Variants in TMC1 observed in about 807,000 individuals in gnomAD.
TMC1 encodes transmembrane channel like 1, also known as transmembrane channel-like protein 1.
TMC1 carries 84 observed loss-of-function variants against 105.8 expected under a neutral mutation model. The observed-to-expected ratio is 0.79, with a 90% CI of 0.67 to 0.95. The LOEUF is 0.95. Ranked by LOEUF, TMC1 falls within the 40% of genes least tolerant of loss-of-function variation. The probability of loss-of-function intolerance (pLI) is 0.00; values close to 1 mark genes in which losing one functional copy is unlikely to be tolerated. For missense variants in TMC1, 817 were observed against 914.1 expected (o/e 0.89, Z 1.37); for synonymous variants, 315 against 311.5 (o/e 1.01, Z -0.12).
At chr9:72,634,062 A>G (rs949089530) in intron 4 of TMC1, among the ~76,000 whole-genome samples, 3 of 152,174 alleles carry the variant, frequency 2.0e-5, no homozygotes, top group Non-Finnish European at 2.9e-5. Context: ...CTCAGGGGCT[A>G]GGGTTTTTAA....
chr9:72,720,162 T>C (rs2117942917), intron 8 of TMC1, among the ~76,000 whole-genome samples: 1 of 152,300 alleles, frequency 6.6e-6, no homozygotes, highest in Non-Finnish European at 1.5e-5. Context: ...ACTGAAACTC[T>C]GAGAGGATAA....
At chr9:72,617,907 TG>T (rs1307668801) in intron 3 of TMC1, among the ~76,000 whole-genome samples, 7 of 118,820 alleles carry the variant, frequency 5.9e-5, no homozygotes, top group Non-Finnish European at 1.2e-4. Flanking sequence ...AGTCTATGTG[TG>T]GTGTGTGTGT....
chr9:72,829,176 C>T (rs1453737133), intron 21 of TMC1, among the ~76,000 whole-genome samples: 1 of 152,012 alleles, frequency 6.6e-6, no homozygotes, highest in Non-Finnish European at 1.5e-5. Flanking sequence ...TTTTTGGGGC[C>T]CATACAATTG....
intron 5 of TMC1, among the ~76,000 whole-genome samples, chr9:72,664,152 G>A (rs1314265185): frequency 6.6e-6 from 1 of 152,178 alleles, no homozygotes; most frequent in African/African-American, 2.4e-5. Flanking sequence ...ACGATTAAGA[G>A]TATTGTACAG....
intron 4 of TMC1, among the ~76,000 whole-genome samples, chr9:72,637,474 A>G (rs987017751): frequency 1.3e-5 from 2 of 152,158 alleles, no homozygotes; most frequent in Non-Finnish European, 2.9e-5. Context: ...ACAGATTCAC[A>G]GTTTGAACAT....
At chr9:72,595,798 TC>T (rs1824708205) in intron 2 of TMC1, among the ~76,000 whole-genome samples, 1 of 151,462 alleles carries the variant, frequency 6.6e-6, no homozygotes, top group Admixed American at 6.6e-5. Context: ...TGCTTGAGCT[TC>T]CTGAGTAGCT....
At position 72,694,711 on chromosome 9, in the gene TMC1, G is replaced by A; in HGVS notation, c.233G>A (p.Gly78Glu). The A allele has an allele frequency of 6.2e-7, 1 of 1,607,286 alleles. No homozygotes were observed. The highest frequency in any genetic ancestry group is 8.5e-7 in the Non-Finnish European group (1 of 1,176,374). Reference sequence around the variant, plus strand: ...GAGAGGAGGAGGAGGCTAAAGAGAGGAGCGTAAGTTAGTTCTGATATTCTT... The same window carrying A: ...GAGAGGAGGAGGAGGCTAAAGAGAGAAGCGTAAGTTAGTTCTGATATTCTT... ...EKERRRRLKR[G>E]AEEEEIDEEE... Residue 78 changes from glycine to glutamate, a missense_variant, in exon 7 of 24, where the codon GGA becomes GAA. Physicochemically the swap from Gly to Glu is moderately conservative, Grantham distance 98 (BLOSUM62 -2). Coordinates refer to ENST00000297784, the MANE Select transcript of TMC1 (RefSeq NM_138691.3).
rs530736269 is a variant in TMC1, at chr9:72,753,277, T to A, written c.642+1321T>A. ...TGTGTGTATTTTATCTATTTCAAAT[T>A]AACCCCAGCTTTTTTTTTTTTTTTT... On this transcript the variant is annotated intron_variant, in intron 11 of 23. Transcript: ENST00000297784. Among the ~76,000 whole-genome samples, 370 of 136,978 alleles carry A rather than the reference T, an allele frequency of 2.7e-3. 2 individuals carry two copies. The highest frequency in any genetic ancestry group is 8.9e-3 in the African/African-American group (314 of 35,294). The allele number at this position is 136,978 out of a possible 152,430, so 89.9% of individuals were successfully genotyped here.
intron 18 of TMC1, among the ~76,000 whole-genome samples, chr9:72,811,470 C>G (rs1427827766): frequency 2.0e-5 from 3 of 152,126 alleles, no homozygotes. Context: ...TTTAACTGCT[C>G]TAATTTAATA....
intron 17 of TMC1, among the ~76,000 whole-genome samples, chr9:72,804,635 T>C (rs1016417231): frequency 2.6e-5 from 4 of 152,250 alleles, no homozygotes; most frequent in Non-Finnish European, 5.9e-5. Flanking sequence ...ATTGCTGTCA[T>C]AGGCATTTCT....
chr9:72,574,156 T>G (rs1424272128), intron 1 of TMC1, among the ~76,000 whole-genome samples: 1 of 152,226 alleles, frequency 6.6e-6, no homozygotes, highest in Non-Finnish European at 1.5e-5. Context: ...CTATTCTGAT[T>G]AGAGAGTGGC....
chr9:72,751,764 C>T (rs1386244584), intron 10 of TMC1, 86 bp from the exon 11 acceptor site: 4 of 838,924 alleles, frequency 4.8e-6, no homozygotes, highest in South Asian at 1.4e-5. Context: ...TTAATGGATT[C>T]ATTTTGAAGG....
chr9:72,707,643 G>A (rs1257397933), intron 8 of TMC1, among the ~76,000 whole-genome samples: 1 of 151,926 alleles, frequency 6.6e-6, no homozygotes, highest in African/African-American at 2.4e-5. Flanking sequence ...TGAGTTCTTT[G>A]TAGATTCTGG....
At chr9:72,715,122 A>G (rs975111643) in intron 8 of TMC1, among the ~76,000 whole-genome samples, 1 of 152,200 alleles carries the variant, frequency 6.6e-6, no homozygotes, top group African/African-American at 2.4e-5. Flanking sequence ...GTTTCTGCAG[A>G]GAGATCTACT....
intron 8 of TMC1, among the ~76,000 whole-genome samples, chr9:72,709,248 G>A (rs1379830034): frequency 5.3e-5 from 8 of 152,122 alleles, no homozygotes; most frequent in African/African-American, 1.9e-4. Context: ...TTGATATGGT[G>A]TTGGATTTGG....
At chr9:72,576,650 G>A (rs1308274746) in intron 1 of TMC1, among the ~76,000 whole-genome samples, 6 of 130,376 alleles carry the variant, frequency 4.6e-5, no homozygotes, top group Non-Finnish European at 4.7e-5. Context: ...TTTTTTAGAC[G>A]GAGTCTTGCT....
intron 4 of TMC1, 84 bp from the exon 5 acceptor site, chr9:72,648,513 C>T (rs1825750990): frequency 2.6e-6 from 2 of 779,588 alleles, no homozygotes; most frequent in African/African-American, 1.7e-5. Flanking sequence ...GGTGAAATGG[C>T]ACCAGGGGAG....
At chr9:72,815,807 A>G (rs2118282977) in intron 18 of TMC1, among the ~76,000 whole-genome samples, 1 of 152,328 alleles carries the variant, frequency 6.6e-6, no homozygotes, top group Non-Finnish European at 1.5e-5. Flanking sequence ...AGAATCAAAA[A>G]GAATAAGATT....
chr9:72,555,178 C>T (rs1028756453), intron 1 of TMC1, among the ~76,000 whole-genome samples: 7 of 144,306 alleles, frequency 4.9e-5, no homozygotes, highest in African/African-American at 1.6e-4. Context: ...GACCTGAATT[C>T]TGAGTTTTGA....
Sources: gnomAD v4.1 joint callset for allele counts (sites outside exome capture counted in the v4.1 genomes callset) on GRCh38, gnomAD v4.1.1 for gene constraint, MANE v1.5 for transcripts, NCBI Gene and HGNC (gene_info 2026-07-23, HGNC 2026-07-21) for gene names.